The following STK10 variants were observed in gnomAD, a reference collection of about 807,000 sequenced individuals.
STK10 encodes serine/threonine kinase 10, also known as serine/threonine-protein kinase 10.
STK10 carries 78 observed loss-of-function variants against 113.8 expected under a neutral mutation model. The observed-to-expected ratio is 0.69, with a 90% CI of 0.57 to 0.83. The LOEUF is 0.83. Ranked by LOEUF, STK10 falls within the 40% of genes least tolerant of loss-of-function variation. The probability of loss-of-function intolerance (pLI) is 0.00; values close to 1 mark genes in which losing one functional copy is unlikely to be tolerated. For missense variants in STK10, 1,109 were observed against 1,280.1 expected, an observed-to-expected ratio of 0.87 and a Z score of 2.04; for synonymous variants, 465 against 494.7, an observed-to-expected ratio of 0.94 and a Z score of 0.80.
At chr5:172,048,001 C>T (rs770543710) in intron 18 of STK10, among the ~76,000 whole-genome samples, 1 of 143,986 alleles carries the variant, frequency 6.9e-6, no homozygotes, top group Non-Finnish European at 1.5e-5. Context: ...CTCCCGGGTT[C>T]AAGCCATTCT....
intron 15 of STK10, 47 bp downstream of exon 15, chr5:172,057,302 G>T: frequency 6.4e-7 from 1 of 1,562,094 alleles, no homozygotes; most frequent in Non-Finnish European, 8.6e-7. Context: ...GGCTCTCCCA[G>T]GTCGGCCCGG....
intron 4 of STK10, among the ~76,000 whole-genome samples, chr5:172,114,312 G>GTGTA (rs1381437694): frequency 7.3e-6 from 1 of 137,468 alleles, no homozygotes; most frequent in Non-Finnish European, 1.5e-5. Flanking sequence ...GTGTGTGTGT[G>GTGTA]TGTATGTGTG....
chr5:172,047,965 C>T (rs181796454), intron 18 of STK10, among the ~76,000 whole-genome samples: 29 of 131,024 alleles, frequency 2.2e-4, no homozygotes, highest in Non-Finnish European at 3.3e-4. Flanking sequence ...TGCAGTGATG[C>T]GATCTTGGCT....
intron 4 of STK10, among the ~76,000 whole-genome samples, chr5:172,113,203 G>C (rs1486175542): frequency 1.3e-5 from 2 of 152,128 alleles, no homozygotes; most frequent in African/African-American, 4.8e-5. Context: ...GGTGAAAAGA[G>C]AATTGCACAC....
At chr5:172,056,271 T>C (rs1381833407) in intron 15 of STK10, among the ~76,000 whole-genome samples, 1 of 152,220 alleles carries the variant, frequency 6.6e-6, no homozygotes, top group East Asian at 1.9e-4. Context: ...CTGACTTCCA[T>C]CACTGCATTT....
intron 18 of STK10, among the ~76,000 whole-genome samples, chr5:172,052,140 T>C (rs1767642647): frequency 6.6e-6 from 1 of 152,148 alleles, no homozygotes. Context: ...ACAAAAGGGT[T>C]TTCTCTAGCT....
At chr5:172,122,870 G>A (rs976368354) in intron 3 of STK10, among the ~76,000 whole-genome samples, 2 of 152,058 alleles carry the variant, frequency 1.3e-5, no homozygotes, top group South Asian at 2.1e-4. Context: ...TGATCCACCC[G>A]CCTCGGCCTC....
chr5:172,094,682 C>G (rs947398999), intron 8 of STK10, among the ~76,000 whole-genome samples: 1 of 152,182 alleles, frequency 6.6e-6, no homozygotes, highest in Non-Finnish European at 1.5e-5. Flanking sequence ...CCGCACCCAG[C>G]CAAACCTTCC....
chr5:172,119,317 G>A (rs907410521), intron 3 of STK10, among the ~76,000 whole-genome samples: 6 of 152,198 alleles, frequency 3.9e-5, no homozygotes, highest in African/African-American at 1.4e-4. Context: ...GGCTCTGCAG[G>A]ACCTTCGGGC....
At chr5:172,170,912 G>A (rs1376521441) in intron 1 of STK10, among the ~76,000 whole-genome samples, 2 of 152,204 alleles carry the variant, frequency 1.3e-5, no homozygotes, top group Non-Finnish European at 2.9e-5. Flanking sequence ...GTTGCAGAGG[G>A]GAGAGGACTC....
intron 4 of STK10, 131 bp downstream of exon 4, chr5:172,117,350 T>C (rs1420786465): frequency 3.1e-6 from 3 of 964,980 alleles, no homozygotes; most frequent in Non-Finnish European, 4.5e-6. Context: ...ACTGCTGACA[T>C]GCCAAGAGGG....
rs141936951 is a variant in STK10, at chr5:172,063,105, C to T, written c.2082+1615G>A. Among the ~76,000 whole-genome samples, 10 of 152,130 alleles carry T rather than the reference C, an allele frequency of 6.6e-5. No individual in the cohort carries two copies. In the East Asian group the frequency reaches 9.7e-4, roughly 15 times the overall value. On this transcript the variant is annotated intron_variant, in intron 13 of 18. Transcript: ENST00000176763. The stretch of plus-strand genomic sequence containing the variant: ...ACTCTATTAAAAATACAAAAATTAG[C>T]TAGGCGTGATGGCAGGCACCTGTAG...
At chr5:172,156,532 G>A (rs769060751) in intron 2 of STK10, 92 bp downstream of exon 2, 294 of 1,466,600 alleles carry the variant, frequency 2.0e-4, no homozygotes, top group Non-Finnish European at 2.5e-4. Context: ...CAAAGCAGAT[G>A]CTGAGAAAGA....
chr5:172,166,147 C>A (rs551348126), intron 1 of STK10, among the ~76,000 whole-genome samples: 1 of 152,142 alleles, frequency 6.6e-6, no homozygotes, highest in Non-Finnish European at 1.5e-5. Flanking sequence ...CTTTCTCTGG[C>A]GCTGCTAAAT....
chr5:172,072,889 G>A (rs56177829), intron 12 of STK10, among the ~76,000 whole-genome samples: 20,686 of 152,194 alleles, frequency 0.14, 1,502 homozygotes, highest in Non-Finnish European at 0.16. Flanking sequence ...AGAAAGATAC[G>A]AGTACTAATA....
intron 9 of STK10, among the ~76,000 whole-genome samples, chr5:172,091,065 G>C (rs765032735): frequency 7.9e-5 from 12 of 151,958 alleles, no homozygotes; most frequent in Non-Finnish European, 4.4e-5. Context: ...GTTCAGGGAG[G>C]ATAGTCACAC....
intron 1 of STK10, among the ~76,000 whole-genome samples, chr5:172,157,611 G>A (rs143554311): frequency 0.046 from 6,929 of 151,950 alleles, 539 homozygotes; most frequent in African/African-American, 0.16. Context: ...TGTTTTTTGA[G>A]ATGGAGTCTC....
intron 12 of STK10, among the ~76,000 whole-genome samples, chr5:172,069,357 C>T (rs1041365780): frequency 6.6e-6 from 1 of 152,052 alleles, no homozygotes. Flanking sequence ...ATACTGTATG[C>T]AAACACTTAT....
At chr5:172,085,036 G>C (rs575677013) in intron 10 of STK10, among the ~76,000 whole-genome samples, 1 of 152,152 alleles carries the variant, frequency 6.6e-6, no homozygotes, top group Non-Finnish European at 1.5e-5. Flanking sequence ...CTTGAGCTCA[G>C]GAGTTCAAGA....
Sources: allele counts gnomAD v4.1 joint callset (sites outside exome capture counted in the v4.1 genomes callset), GRCh38; gene constraint gnomAD v4.1.1; transcripts MANE v1.5; gene names NCBI Gene and HGNC (gene_info 2026-07-23, HGNC 2026-07-21).